Variants in USP7 observed in about 807,000 individuals in gnomAD.
USP7 encodes ubiquitin specific peptidase 7.
USP7 carries 9 observed loss-of-function variants against 162.9 expected under a neutral mutation model. The ratio of observed to expected loss-of-function variants is 0.06; its 90% CI spans 0.03 to 0.10. The LOEUF (loss-of-function observed/expected upper bound fraction) is 0.10. Among genes scored for constraint, USP7 ranks in the 10% least tolerant of loss-of-function variants. The pLI is 1.00. For synonymous variants in USP7, 562 were observed against 475.9 expected (o/e 1.18, Z -2.35); for missense variants, 715 against 1,373.7 (o/e 0.52, Z 7.58).
At chr16:8,896,436 G>A (rs2061682664) in intron 26 of USP7, among the ~76,000 whole-genome samples, 1 of 152,012 alleles carries the variant, frequency 6.6e-6, no homozygotes, top group South Asian at 2.1e-4. Flanking sequence ...AGAAAGTTTG[G>A]GAACCAAATG....
In USP7 at chr16:8,892,403, A is replaced by G. The variant is rs1224024163; in HGVS notation, c.*1595T>C. 3 of 152,240 alleles carry G rather than the reference A, an allele frequency of 2.0e-5. No homozygotes were observed. The highest frequency in any genetic ancestry group is 6.5e-5 in the Admixed American group (1 of 15,276). The allele number at this position is 152,240 out of a possible 1,614,324, so 9.4% of individuals were successfully genotyped here. A position where few individuals can be genotyped will look rare whatever the true frequency, so the allele number is the denominator to read the frequency against. ...GAAAGGAAGTCACTCCAAGGTACAC[A>G]CTGGCCCAAAGACCAGGAAACCGTG... On this transcript the variant is annotated 3_prime_UTR_variant, in exon 31 of 31. Coordinates refer to ENST00000344836, the MANE Select transcript of USP7 (RefSeq NM_003470.3).
intron 1 of USP7, among the ~76,000 whole-genome samples, chr16:8,953,533 G>A (rs1299293958): frequency 7.9e-6 from 1 of 127,194 alleles, no homozygotes; most frequent in African/African-American, 2.8e-5. Flanking sequence ...GAAGCAGAGG[G>A]AAGACACGTG....
chr16:8,962,711 G>C (rs1292662954), intron 1 of USP7: 1 of 186,432 alleles, frequency 5.4e-6, no homozygotes, highest in East Asian at 1.4e-4. Flanking sequence ...CCGACGCTAG[G>C]CAGTGCTGTT....
chr16:8,901,320 G>T, intron 18 of USP7, 86 bp from the exon 19 acceptor site: 2 of 663,354 alleles, frequency 3.0e-6, no homozygotes, highest in Non-Finnish European at 5.0e-6. Context: ...ACAAAAAAAC[G>T]AAAAAAAAAA....
At position 8,893,922 on chromosome 16, in the gene USP7, G is replaced by A; in HGVS notation, c.*76C>T. ...TCTTGCTGAAGACTTCGGCTAGAGG[G>A]CACGTGCACCAAAGTTCTAGGCTGT... is the stretch of plus-strand genomic sequence containing the variant. On this transcript the variant is annotated 3_prime_UTR_variant, in exon 31 of 31. Coordinates refer to ENST00000344836, the MANE Select transcript of USP7 (RefSeq NM_003470.3). The A allele has an allele frequency of 1.6e-6, 2 of 1,268,984 alleles. No homozygotes were observed. The highest frequency in any genetic ancestry group is 2.3e-6 in the Non-Finnish European group (2 of 867,044). The allele number at this position is 1,268,984 out of a possible 1,614,324, so 78.6% of individuals were successfully genotyped here.
At chr16:8,898,846 C>T in intron 23 of USP7, 1 of 610,860 alleles carries the variant, frequency 1.6e-6, no homozygotes, top group South Asian at 2.1e-5. Context: ...AGTGACAAAA[C>T]ACACAGCAGC....
chr16:8,928,772 C>T (rs969878334), intron 2 of USP7, among the ~76,000 whole-genome samples: 18 of 152,222 alleles, frequency 1.2e-4, no homozygotes, highest in Admixed American at 1.1e-3. Context: ...TTTCCACTTT[C>T]GGGTCCTATG....
chr16:8,904,375 G>A (rs1232551820), intron 15 of USP7, 60 bp downstream of exon 15: 3 of 1,597,288 alleles, frequency 1.9e-6, no homozygotes, highest in East Asian at 4.5e-5. Flanking sequence ...CTGCACTTGT[G>A]TATAGAGATG....
chr16:8,923,332 G>T lies in USP7; in HGVS notation c.266C>A (p.Pro89Gln). ...SRLSESVLSP[P>Q]CFVRNLPWKI... The stretch of plus-strand genomic sequence containing the variant: ...CCATGGCAGATTTCGCACAAAACAC[G>T]GAGGGCTAAGGACCGACTCACTCAG... The change falls in exon 3 of 31, where the codon CCG (proline) becomes CAG (glutamine). Residue 89 changes from proline to glutamine, a missense_variant. Around this residue, in one of 11 missense-constraint regions of USP7, gnomAD observed 137 missense variants for 123.5 expected, o/e 1.11. Transcript: ENST00000344836. The T allele has an allele frequency of 6.2e-7, 1 of 1,614,194 alleles. No individual in the cohort carries two copies. The highest frequency in any genetic ancestry group is 8.5e-7 in the Non-Finnish European group (1 of 1,180,034).
intron 1 of USP7, among the ~76,000 whole-genome samples, chr16:8,946,341 G>C (rs532462480): frequency 6.6e-6 from 1 of 152,294 alleles, no homozygotes; most frequent in East Asian, 1.9e-4. Flanking sequence ...AGCACTTTGA[G>C]AGGCTGAGGC....
chr16:8,947,386 T>A (rs534238589), intron 1 of USP7, among the ~76,000 whole-genome samples: 1 of 151,966 alleles, frequency 6.6e-6, no homozygotes, highest in African/African-American at 2.4e-5. Flanking sequence ...CTCACTCTTA[T>A]CACCCAGGCC....
At chr16:8,904,129 C>G (rs1318214533) in intron 15 of USP7, among the ~76,000 whole-genome samples, 1 of 152,188 alleles carries the variant, frequency 6.6e-6, no homozygotes, top group Non-Finnish European at 1.5e-5. Flanking sequence ...TACAAATACT[C>G]AGGCAGCTGC....
rs753507187 is a variant in USP7 at position 8,903,270 on chromosome 16, T to C, written c.1837A>G (p.Met613Val). Residue 613 changes from methionine (M) to valine (V), a missense_variant and splice_region_variant, in exon 16 of 31, where the codon ATG becomes GTG. Met to Val is a conservative substitution (Grantham distance 21, BLOSUM62 1). Around this residue, in one of 11 missense-constraint regions of USP7, gnomAD observed 197 missense variants for 306.5 expected, o/e 0.64. Transcript: ENST00000344836. ...AEFVQSLSQTMGFPQDQIRLW... is the reference protein window; with the variant it reads ...AEFVQSLSQTVGFPQDQIRLW... ...ATATCCACGGGACCGGTACGCACCATGGTCTGAGAGAGGCTCTGAACAAAC... is the reference window on the plus strand; with the variant it reads ...ATATCCACGGGACCGGTACGCACCACGGTCTGAGAGAGGCTCTGAACAAAC... 3 of 1,613,414 alleles carry C rather than the reference T, an allele frequency of 1.9e-6. No individual in the cohort carries two copies. The highest frequency in any genetic ancestry group is 8.5e-7 in the Non-Finnish European group (1 of 1,179,750).
rs1446931172 is a variant in USP7 at position 8,920,442 on chromosome 16, C to A, written c.528G>T (p.Val176=). ...CTATAAATCCTTTCTCAGGATCGGT[C>A]ACTTCCTATAAAACATAAATAAGAA... is the stretch of plus-strand genomic sequence containing the variant. ...GFSNFMAWSE[V]TDPEKGFIDD... The change falls in exon 5 of 31, where the codon GTG becomes GTT. Residue 176 remains valine (V), a synonymous_variant. Coordinates refer to ENST00000344836, the MANE Select transcript of USP7 (RefSeq NM_003470.3). 5 of 1,611,306 alleles carry A rather than the reference C, an allele frequency of 3.1e-6. No individual in the cohort carries two copies. The African/African-American group carries it at 4.0e-5, about 13-fold the overall frequency.
intron 10 of USP7, among the ~76,000 whole-genome samples, chr16:8,913,659 A>T (rs2061985088): frequency 6.6e-6 from 1 of 152,106 alleles, no homozygotes; most frequent in African/African-American, 2.4e-5. Context: ...ATGATTCCTA[A>T]CGAGAATCCA....
intron 1 of USP7, among the ~76,000 whole-genome samples, chr16:8,931,542 A>T (rs1420510829): frequency 6.6e-6 from 1 of 152,206 alleles, no homozygotes; most frequent in Non-Finnish European, 1.5e-5. Context: ...TTATGTAAAG[A>T]TCCGGGAAAG....
intron 1 of USP7, among the ~76,000 whole-genome samples, chr16:8,944,681 G>C (rs1899198832): frequency 6.6e-6 from 1 of 152,108 alleles, no homozygotes; most frequent in African/African-American, 2.4e-5. Flanking sequence ...GTCTACTCTA[G>C]GCCACTGGAG....
chr16:8,929,379 T>C (rs1387712323), intron 2 of USP7: 1 of 424,102 alleles, frequency 2.4e-6, no homozygotes, highest in African/African-American at 2.0e-5. Context: ...CTTCCTCAGA[T>C]ATTGCCTCAG....
At chr16:8,928,824 A>G (rs1898160368) in intron 2 of USP7, among the ~76,000 whole-genome samples, 1 of 152,170 alleles carries the variant, frequency 6.6e-6, no homozygotes, top group Admixed American at 6.5e-5. Flanking sequence ...ATGTACCTCA[A>G]AAGGAAGGGG....
Sources: gnomAD v4.1 joint callset for allele counts (sites outside exome capture counted in the v4.1 genomes callset) on GRCh38, gnomAD v4.1.1 for gene constraint, gnomAD v4.1.1 regional missense constraint, MANE v1.5 for transcripts, NCBI Gene and HGNC (gene_info 2026-07-23, HGNC 2026-07-21) for gene names.